KCNC4: variants seen among roughly 807,000 people sequenced by gnomAD.
KCNC4 encodes potassium voltage-gated channel subfamily C member 4, also known as voltage-gated potassium channel KCNC4.
In KCNC4, 23 loss-of-function variants were observed where a neutral mutation model predicts 42.8. The observed-to-expected ratio is 0.54, with a 90% confidence interval of 0.39 to 0.76. The LOEUF (loss-of-function observed/expected upper bound fraction) is 0.76. Ranked by LOEUF, KCNC4 falls within the 30% of genes least tolerant of loss-of-function variation. The pLI is 0.00. For synonymous variants in KCNC4, 422 were observed against 393.5 expected, an observed-to-expected ratio of 1.07 and a Z score of -0.86; for missense variants, 751 against 898.2, an observed-to-expected ratio of 0.84 and a Z score of 2.10.
intron 1 of KCNC4, among the ~76,000 whole-genome samples, chr1:110,214,696 C>A (rs901464161): frequency 1.3e-5 from 2 of 152,234 alleles, no homozygotes; most frequent in African/African-American, 4.8e-5. Context: ...AGCCCTTGCT[C>A]TTGTGATTAC....
chr1:110,227,607 C>G (rs1658469147), intron 3 of KCNC4, among the ~76,000 whole-genome samples: 2 of 152,248 alleles, frequency 1.3e-5, no homozygotes, highest in African/African-American at 2.4e-5. Context: ...CGCCGACCAT[C>G]CCAAACAGGC....
intron 1 of KCNC4, among the ~76,000 whole-genome samples, chr1:110,219,185 T>G (rs983949820): frequency 6.6e-6 from 1 of 152,182 alleles, no homozygotes; most frequent in African/African-American, 2.4e-5. Context: ...AGTCTCCGTT[T>G]TTCACTTCTA....
At chr1:110,213,170 T>TAAAAAAA (rs760587471) in intron 1 of KCNC4, among the ~76,000 whole-genome samples, 2,391 of 50,782 alleles carry the variant, frequency 0.047, 296 homozygotes, top group Non-Finnish European at 0.061. Flanking sequence ...CTTCGACAGC[T>TAAAAAAA]AAAAAAAAAA....
chr1:110,212,134 T>C lies in KCNC4; in HGVS notation c.635T>C (p.Met212Thr). The change falls in exon 1 of 4, where the codon ATG becomes ACG. Residue 212 changes from methionine to threonine, a missense_variant. Transcript: ENST00000438661. ...SGGCRGWQPR[M>T]WALFEDPYSS... Reference sequence around the variant, plus strand: ...GGCTGCCGCGGCTGGCAGCCCCGCATGTGGGCGCTCTTCGAGGATCCCTAC... The same window carrying C: ...GGCTGCCGCGGCTGGCAGCCCCGCACGTGGGCGCTCTTCGAGGATCCCTAC... 6.6e-7 allele frequency: 1 copy of C among 1,507,694 alleles called. No individual in the cohort carries two copies. The highest frequency in any genetic ancestry group is 8.7e-7 in the Non-Finnish European group (1 of 1,145,130). 93.4% of individuals were successfully genotyped at this position (1,507,694 alleles called of 1,614,324 possible).
chr1:110,271,430 G>C (rs140897965), intron 1 of KCNC4, among the ~76,000 whole-genome samples: 1 of 152,326 alleles, frequency 6.6e-6, no homozygotes, highest in Non-Finnish European at 1.5e-5. Context: ...CTGGACTCTT[G>C]AGAGTAGTTT....
At chr1:110,253,308 G>A (rs775267820), downstream of KCNC4, among the ~76,000 whole-genome samples, 1 of 152,112 alleles carries the variant, frequency 6.6e-6, no homozygotes, top group African/African-American at 2.4e-5. Context: ...GCCCACTCTG[G>A]TCTTCCCTAA....
chr1:110,233,241 G>A lies in KCNC4; in HGVS notation c.*269G>A. On this transcript the variant is annotated 3_prime_UTR_variant, in exon 4 of 4. Coordinates refer to ENST00000438661, the MANE Select transcript of KCNC4 (RefSeq NM_001039574.3). ...TCTTGTGTGTAGTGCACGTGCTATT[G>A]GTGGTTTGTCTTCTTTGTTAGGCTG... The A allele has an allele frequency of 1.8e-6, 1 of 558,722 alleles. No individual in the cohort carries two copies. The highest frequency in any genetic ancestry group is 2.2e-5 in the South Asian group (1 of 44,596). 34.6% of individuals were successfully genotyped at this position (558,722 alleles called of 1,614,324 possible). A position where few individuals can be genotyped will look rare whatever the true frequency, so the allele number is the denominator to read the frequency against.
intron 1 of KCNC4, among the ~76,000 whole-genome samples, chr1:110,255,553 G>A (rs138074254): frequency 6.6e-6 from 1 of 152,330 alleles, no homozygotes; most frequent in Non-Finnish European, 1.5e-5. Context: ...TTGAGATGCA[G>A]TCATTGCTAC....
chr1:110,227,011 A>G (rs1159645259), intron 3 of KCNC4, among the ~76,000 whole-genome samples: 4 of 152,174 alleles, frequency 2.6e-5, no homozygotes, highest in Non-Finnish European at 4.4e-5. Context: ...CCTCCTACCC[A>G]GTTTTCGATC....
rs920058201 is a variant in KCNC4 at position 110,210,988 on chromosome 1, C to T, written c.-512C>T. 1.3e-5 allele frequency among the ~76,000 whole-genome samples: 2 copies of T among 152,186 alleles called. No homozygotes were observed. The highest frequency in any genetic ancestry group is 2.9e-5 in the Non-Finnish European group (2 of 68,038). On this transcript the variant is annotated 5_prime_UTR_variant, in exon 1 of 4. Coordinates refer to ENST00000438661, the MANE Select transcript of KCNC4 (RefSeq NM_001039574.3). Reference sequence around the variant, plus strand: ...TGCCGTGAGAGTGTCGGCCTGGCCCCGGCAGCCGCTCGGAGGACTTGTTGC... The same window carrying T: ...TGCCGTGAGAGTGTCGGCCTGGCCCTGGCAGCCGCTCGGAGGACTTGTTGC...
In KCNC4 at chr1:110,232,592, G is replaced by T. The variant is rs568631411; in HGVS notation, c.1820-319G>T. The T allele has an allele frequency of 2.8e-6, 4 of 1,437,078 alleles. No individual in the cohort carries two copies. In the African/African-American group the frequency reaches 5.7e-5, roughly 21 times the overall value. 89.0% of individuals were successfully genotyped at this position (1,437,078 alleles called of 1,614,324 possible). A position where few individuals can be genotyped will look rare whatever the true frequency, so the allele number is the denominator to read the frequency against. ...TGGTTCCTGGAGCTAGTGGTTACCT[G>T]AACAGGTATGGCGATGAGCTACAAC... On this transcript the variant is annotated intron_variant, in intron 3 of 3. Coordinates refer to ENST00000438661, the MANE Select transcript of KCNC4 (RefSeq NM_001039574.3).
chr1:110,256,534 C>T (rs1290382016), intron 1 of KCNC4, among the ~76,000 whole-genome samples: 3 of 152,334 alleles, frequency 2.0e-5, no homozygotes, highest in South Asian at 2.1e-4. Flanking sequence ...CTGGACATCA[C>T]GCTGTGTCAG....
chr1:110,234,260 C>G (rs566131921), downstream of KCNC4: 1 of 152,340 alleles, frequency 6.6e-6, no homozygotes, highest in South Asian at 2.1e-4. Context: ...ACCCAGGACC[C>G]CGAGACCCAA....
At chr1:110,238,199 C>T (rs947656842), downstream of KCNC4, 3 of 152,250 alleles carry the variant, frequency 2.0e-5, no homozygotes, top group Non-Finnish European at 4.4e-5. Context: ...GGCTTCTCCA[C>T]TCCCCGCTCT....
chr1:110,243,705 G>C (rs1274792316), exon 4 of KCNC4: 1 of 152,782 alleles, frequency 6.5e-6, no homozygotes. Context: ...GGTAGGGAAG[G>C]GGGAGGGGCA....
intron 1 of KCNC4, chr1:110,222,482 G>A (rs1658152449): frequency 1.2e-5 from 2 of 162,132 alleles, no homozygotes; most frequent in African/African-American, 4.8e-5. Context: ...TCTGGTCCAG[G>A]ACCATACTTT....
intron 1 of KCNC4, among the ~76,000 whole-genome samples, chr1:110,279,872 C>T (rs775250527): frequency 7.0e-5 from 10 of 143,700 alleles, no homozygotes; most frequent in Non-Finnish European, 1.0e-4. Context: ...GATCTCAGCT[C>T]GCTGCAACCT....
intron 1 of KCNC4, among the ~76,000 whole-genome samples, chr1:110,281,589 C>CACACAT (rs3062077): frequency 6.6e-6 from 1 of 151,672 alleles, no homozygotes; most frequent in East Asian, 1.9e-4. Flanking sequence ...CACACACACA[C>CACACAT]ATACTGCACT....
intron 3 of KCNC4, 189 bp downstream of exon 3, chr1:110,226,367 C>T (rs756779801): frequency 2.9e-5 from 18 of 626,204 alleles, no homozygotes; most frequent in Non-Finnish European, 4.9e-5. Flanking sequence ...TCTTCTCCAT[C>T]TCAGAAGGGC....
Sources: gnomAD v4.1 joint callset for allele counts (sites outside exome capture counted in the v4.1 genomes callset) on GRCh38, gnomAD v4.1.1 for gene constraint, MANE v1.5 for transcripts, NCBI Gene and HGNC (gene_info 2026-07-23, HGNC 2026-07-21) for gene names.